AGPAT2: variants seen among roughly 807,000 people sequenced by gnomAD.
AGPAT2 encodes the protein 1-acylglycerol-3-phosphate O-acyltransferase 2, also known as 1-acyl-sn-glycerol-3-phosphate acyltransferase beta.
AGPAT2 carries 18 observed loss-of-function variants against 26.1 expected under a neutral mutation model. The ratio of observed to expected loss-of-function variants is 0.69; its 90% CI spans 0.48 to 1.02. The LOEUF (loss-of-function observed/expected upper bound fraction) is 1.02. Among genes scored for constraint, AGPAT2 ranks in the 50% least tolerant of loss-of-function variants. The pLI is 0.00. For missense variants in AGPAT2, 415 were observed against 394.9 expected, an observed-to-expected ratio of 1.05 and a Z score of -0.43; for synonymous variants, 200 against 174.2, an observed-to-expected ratio of 1.15 and a Z score of -1.16.
rs530977763 is a variant in AGPAT2 at position 136,673,807 on chromosome 9, T to C, written c.782A>G (p.Lys261Arg). 1 of 1,606,482 alleles carries C rather than the reference T, an allele frequency of 6.2e-7. No homozygotes were observed. Among genetic ancestry groups the C allele is most frequent in the Admixed American group, 1.7e-5 (1 of 59,416 alleles). ...AGTGGCCCCGTTCTCCTGGGGGGTCTTGGAGATGTGGAGGAAGGTGGTCCT... is the reference window on the plus strand; with the variant it reads ...AGTGGCCCCGTTCTCCTGGGGGGTCCTGGAGATGTGGAGGAAGGTGGTCCT... The part of the protein sequence containing the change: ...AMRTTFLHIS[K>R]TPQENGATAG... Residue 261 changes from lysine to arginine, a missense_variant, in exon 6 of 6, where the codon AAG (lysine) becomes AGG (arginine). Transcript: ENST00000371696.
At chr9:136,678,294 G>A (rs894265141) in intron 1 of AGPAT2, among the ~76,000 whole-genome samples, 3 of 152,156 alleles carry the variant, frequency 2.0e-5, no homozygotes, top group African/African-American at 7.2e-5. Context: ...GCTGCCCTTG[G>A]AGCACCTGCA....
chr9:136,678,973 C>T (rs995356949), intron 1 of AGPAT2, among the ~76,000 whole-genome samples: 1 of 152,164 alleles, frequency 6.6e-6, no homozygotes, highest in African/African-American at 2.4e-5. Flanking sequence ...AGGCTGGTCT[C>T]GAACTCCTAG....
At chr9:136,676,445 G>A in intron 4 of AGPAT2, 140 bp downstream of exon 4, 1 of 674,768 alleles carries the variant, frequency 1.5e-6, no homozygotes, top group Non-Finnish European at 2.6e-6. Flanking sequence ...GGGCAAGGAG[G>A]CCCTGTCCCC....
intron 1 of AGPAT2, among the ~76,000 whole-genome samples, chr9:136,679,171 C>T (rs920444826): frequency 7.2e-5 from 11 of 152,244 alleles, no homozygotes; most frequent in African/African-American, 2.7e-4. Flanking sequence ...TCTCCTCCCT[C>T]TATCTCCAGA....
chr9:136,675,298 G>A lies in AGPAT2; in HGVS notation c.589-491C>T, dbSNP rs116866717. Among the ~76,000 whole-genome samples, 433 of 152,044 alleles carry A rather than the reference G, an allele frequency of 2.8e-3. 7 individuals carry two copies. In the East Asian group the frequency reaches 0.044, roughly 15 times the overall value. On this transcript the variant is annotated intron_variant, in intron 4 of 5. Coordinates refer to ENST00000371696, the MANE Select transcript of AGPAT2 (RefSeq NM_006412.4). Reference sequence around the variant, plus strand: ...GGCACTTGGGGGTGATCATTAACCCGAGGCAGCCAGGGAACCTCCAGGGGG... The same window carrying A: ...GGCACTTGGGGGTGATCATTAACCCAAGGCAGCCAGGGAACCTCCAGGGGG...
chr9:136,683,983 C>T (rs1846192330), intron 1 of AGPAT2, among the ~76,000 whole-genome samples: 1 of 152,196 alleles, frequency 6.6e-6, no homozygotes, highest in South Asian at 2.1e-4. Context: ...GGCACGTGCT[C>T]CATGGGGACA....
At chr9:136,674,368 C>T (rs760934163) in intron 5 of AGPAT2, among the ~76,000 whole-genome samples, 2 of 152,114 alleles carry the variant, frequency 1.3e-5, no homozygotes, top group East Asian at 1.9e-4. Context: ...TCATGAGCCC[C>T]GCAGCCTGTG....
chr9:136,680,954 C>T (rs909558982), intron 1 of AGPAT2, among the ~76,000 whole-genome samples: 2 of 152,150 alleles, frequency 1.3e-5, no homozygotes, highest in Admixed American at 6.6e-5. Context: ...AAGGAGCCAG[C>T]GCGCCGAGCC....
intron 3 of AGPAT2, 94 bp downstream of exon 3, chr9:136,676,867 G>GT: frequency 2.7e-6 from 4 of 1,495,992 alleles, no homozygotes; most frequent in Middle Eastern, 2.1e-4. Context: ...TGGGGGTCTT[G>GT]TTTTTTCTGC....
chr9:136,683,293 G>C (rs905573274), intron 1 of AGPAT2, among the ~76,000 whole-genome samples: 1 of 152,188 alleles, frequency 6.6e-6, no homozygotes, highest in Non-Finnish European at 1.5e-5. Flanking sequence ...AATCCCACCA[G>C]CACCTGGCTC....
chr9:136,673,701 G>A lies in AGPAT2; in HGVS notation c.*51C>T, dbSNP rs933915348. 1 of 1,496,816 alleles carries A rather than the reference G, an allele frequency of 6.7e-7. No individual in the cohort carries two copies. 92.7% of individuals were successfully genotyped at this position (1,496,816 alleles called of 1,614,324 possible). On this transcript the variant is annotated 3_prime_UTR_variant, in exon 6 of 6. Transcript: ENST00000371696. The stretch of plus-strand genomic sequence containing the variant: ...AGGAGTCCCCTCTGCCCATCCTCCA[G>A]CCATCGGCTTCCACCTGCCCTCCCC...
At chr9:136,677,870 C>T (rs1470918444) in intron 1 of AGPAT2, among the ~76,000 whole-genome samples, 5 of 152,250 alleles carry the variant, frequency 3.3e-5, no homozygotes. Flanking sequence ...AGCCCTCATC[C>T]ACCCCACAGG....
chr9:136,679,434 C>A (rs2119190322), intron 1 of AGPAT2, among the ~76,000 whole-genome samples: 1 of 152,330 alleles, frequency 6.6e-6, no homozygotes, highest in African/African-American at 2.4e-5. Flanking sequence ...CTCAGATCTG[C>A]CTTCCTCAGC....
At chr9:136,675,103 CA>C (rs1018636108) in intron 4 of AGPAT2, among the ~76,000 whole-genome samples, 1 of 152,272 alleles carries the variant, frequency 6.6e-6, no homozygotes, top group African/African-American at 2.4e-5. Context: ...TGCAGCTAGC[CA>C]GGGGGGCAGG....
chr9:136,673,439 G>A lies in AGPAT2; in HGVS notation c.*313C>T, dbSNP rs1239442891. On this transcript the variant is annotated 3_prime_UTR_variant, in exon 6 of 6. Transcript: ENST00000371696. ...CTCCCATCTGCTCCTGGGCCATCGG[G>A]GGCCTTGTGGCTCAGCCCACCAGCG... The A allele has an allele frequency of 3.7e-6, 1 of 270,954 alleles. No homozygotes were observed. Among genetic ancestry groups the A allele is most frequent in the Admixed American group, 5.4e-5 (1 of 18,474 alleles). The allele number at this position is 270,954 out of a possible 1,614,324, so 16.8% of individuals were successfully genotyped here.
At chr9:136,676,140 G>T (rs190779513) in intron 4 of AGPAT2, among the ~76,000 whole-genome samples, 1 of 152,200 alleles carries the variant, frequency 6.6e-6, no homozygotes. Flanking sequence ...TGCTTACAAT[G>T]AGCTCCACCC....
intron 1 of AGPAT2, 143 bp from the exon 2 acceptor site, chr9:136,677,699 G>T: frequency 9.7e-7 from 1 of 1,025,886 alleles, no homozygotes; most frequent in Non-Finnish European, 1.5e-6. Context: ...ACAGGGGAGG[G>T]AGCCCCTGAA....
chr9:136,686,034 T>C (rs1248516188), intron 1 of AGPAT2, among the ~76,000 whole-genome samples: 1 of 152,238 alleles, frequency 6.6e-6, no homozygotes, highest in East Asian at 1.9e-4. Flanking sequence ...CACACACGTC[T>C]GGCTGAGCAG....
intron 1 of AGPAT2, among the ~76,000 whole-genome samples, chr9:136,686,474 A>G (rs927723153): frequency 2.6e-5 from 4 of 152,082 alleles, no homozygotes; most frequent in African/African-American, 9.7e-5. Flanking sequence ...TGGCAAAACC[A>G]AGCTCCCACC....
Sources: gnomAD v4.1 joint callset for allele counts (sites outside exome capture counted in the v4.1 genomes callset) on GRCh38, gnomAD v4.1.1 for gene constraint, MANE v1.5 for transcripts, NCBI Gene and HGNC (gene_info 2026-07-23, HGNC 2026-07-21) for gene names.